The following NLRP13 variants were observed in gnomAD, a reference collection of about 807,000 sequenced individuals.
NLRP13 encodes the protein NACHT, LRR and PYD domains-containing protein 13.
Under a neutral mutation model 94.4 loss-of-function variants are expected in NLRP13, and 82 were observed. The ratio of observed to expected loss-of-function variants is 0.87; its 90% CI spans 0.73 to 1.04. The LOEUF (loss-of-function observed/expected upper bound fraction) is 1.04, where lower values mean the gene tolerates loss of function less well. Ranked by LOEUF, NLRP13 falls within the 50% of genes least tolerant of loss-of-function variation. The pLI is 0.00. For missense variants in NLRP13, 1,426 were observed against 1,230.8 expected, an observed-to-expected ratio of 1.16 and a Z score of -2.37; for synonymous variants, 553 against 464.7, an observed-to-expected ratio of 1.19 and a Z score of -2.45.
At chr19:55,917,044 A>G (rs73611407) in intron 4 of NLRP13, among the ~76,000 whole-genome samples, 5,308 of 152,308 alleles carry the variant, frequency 0.035, 284 homozygotes, top group African/African-American at 0.12. Flanking sequence ...CTTACAAGCT[A>G]GAAGGAATTG....
Position 55,898,927 on chromosome 19 carries a change from A to C in NLRP13, c.2800T>G (p.Cys934Gly), listed in dbSNP as rs768640498. The C allele has an allele frequency of 3.7e-6, 6 of 1,605,256 alleles. No individual in the cohort carries two copies. The highest frequency in any genetic ancestry group is 1.1e-5 in the South Asian group (1 of 89,452). ...CCACAGCCCTCTCTTGTGAAAGAAC[A>C]ACCTGACAAACTGCAAAATAAAAAC... Reference protein sequence around the residue: ...GNLQSLNLSGCSFTREGCGEL... With the variant: ...GNLQSLNLSGGSFTREGCGEL... The change falls in exon 10 of 11, where the codon TGT (cysteine) becomes GGT (glycine). Residue 934 changes from cysteine (C) to glycine (G), a missense_variant. Coordinates refer to ENST00000342929, the MANE Select transcript of NLRP13 (RefSeq NM_176810.2).
At chr19:55,898,729 T>A (rs1986083290) in intron 10 of NLRP13, 41 bp downstream of exon 10, 1 of 1,541,266 alleles carries the variant, frequency 6.5e-7, no homozygotes, top group Non-Finnish European at 8.8e-7. Flanking sequence ...CCCGCAAGAG[T>A]AGAGAAGGAA....
At position 55,913,667 on chromosome 19, in the gene NLRP13, G is replaced by A. The variant is rs139568640; in HGVS notation, c.524-374C>T. 6.5e-3 allele frequency among the ~76,000 whole-genome samples: 987 copies of A among 151,834 alleles called. 11 individuals carry two copies. Among genetic ancestry groups the A allele is most frequent in the African/African-American group, 0.022 (924 of 41,352 alleles). On this transcript the variant is annotated intron_variant, in intron 4 of 10. Coordinates refer to ENST00000342929, the MANE Select transcript of NLRP13 (RefSeq NM_176810.2). ...GCGATCAAGAACACCTTTAAGAGAG[G>A]GCAGAGAAGGGATCATAGCGAGAAG... is the stretch of plus-strand genomic sequence containing the variant.
At chr19:55,907,755 A>C (rs1463636156) in intron 7 of NLRP13, 37 bp downstream of exon 7, 1 of 1,607,536 alleles carries the variant, frequency 6.2e-7, no homozygotes, top group African/African-American at 1.3e-5. Flanking sequence ...GTGGTCTTGC[A>C]ACCCCCCTTG....
At chr19:55,918,762 A>T (rs1443005394) in intron 4 of NLRP13, among the ~76,000 whole-genome samples, 2 of 152,134 alleles carry the variant, frequency 1.3e-5, no homozygotes, top group African/African-American at 2.4e-5. Flanking sequence ...CCAGTACCAG[A>T]TGTATTTCAC....
chr19:55,930,697 A>G (rs926355552), intron 1 of NLRP13, among the ~76,000 whole-genome samples: 8 of 150,244 alleles, frequency 5.3e-5, no homozygotes, highest in East Asian at 1.9e-4. Context: ...AAAAAAAAAA[A>G]AAAAAAAAAA....
downstream of NLRP13, among the ~76,000 whole-genome samples, chr19:55,894,865 A>C (rs1985958444): frequency 6.6e-6 from 1 of 152,208 alleles, no homozygotes; most frequent in African/African-American, 2.4e-5. Flanking sequence ...AAACAGAAGC[A>C]GGCTCTCAAA....
At chr19:55,897,361 A>G (rs1986044144) in intron 10 of NLRP13, among the ~76,000 whole-genome samples, 1 of 152,108 alleles carries the variant, frequency 6.6e-6, no homozygotes, top group African/African-American at 2.4e-5. Flanking sequence ...TCCATAATAA[A>G]TACAAAAAAA....
chr19:55,895,517 CTACAAAAA>C (rs1037819204), downstream of NLRP13, among the ~76,000 whole-genome samples: 2 of 152,184 alleles, frequency 1.3e-5, no homozygotes, highest in Non-Finnish European at 2.9e-5. Context: ...ACCCCCATCT[CTACAAAAA>C]TACAAAAATT....
chr19:55,909,961 G>A (rs979152630), intron 6 of NLRP13, among the ~76,000 whole-genome samples: 8 of 152,172 alleles, frequency 5.3e-5, no homozygotes, highest in African/African-American at 1.7e-4. Flanking sequence ...AAAAATGCAA[G>A]CCACCTTCCT....
At chr19:55,919,812 A>T (rs993753978) in intron 4 of NLRP13, among the ~76,000 whole-genome samples, 2 of 152,162 alleles carry the variant, frequency 1.3e-5, no homozygotes, top group Admixed American at 6.5e-5. Context: ...GACATATTTC[A>T]CAGAATTAGA....
chr19:55,892,929 C>T (rs1411601931), downstream of NLRP13, among the ~76,000 whole-genome samples: 1 of 152,122 alleles, frequency 6.6e-6, no homozygotes, highest in Non-Finnish European at 1.5e-5. Flanking sequence ...TGTGTGTGTT[C>T]CTCACAGCAC....
At chr19:55,929,195 A>T in intron 1 of NLRP13, among the ~76,000 whole-genome samples, 1 of 152,228 alleles carries the variant, frequency 6.6e-6, no homozygotes, top group Non-Finnish European at 1.5e-5. Context: ...AATTAGTTCA[A>T]CCATTGTGGA....
At chr19:55,913,432 A>T in intron 4 of NLRP13, 139 bp from the exon 5 acceptor site, 1 of 958,324 alleles carries the variant, frequency 1.0e-6, no homozygotes, top group Non-Finnish European at 1.5e-6. Flanking sequence ...GCAGTGGTAG[A>T]AAGTTGCAAA....
chr19:55,932,052 C>T lies in NLRP13; in HGVS notation c.260G>A (p.Gly87Asp), dbSNP rs867828030. The part of the protein sequence containing the change: ...PKGQAWKVVL[G>D]IFQTMNLTSL... ...GGTCAGATTCATTGTCTGGAAGATG[C>T]CGAGGACCACTTTCCATGCCTGACC... Residue 87 changes from glycine (G) to aspartate (D), a missense_variant, in exon 1 of 11, where the codon GGC (glycine) becomes GAC (aspartate). By Grantham distance (94) the Gly-to-Asp change is moderately conservative. Transcript: ENST00000342929. 2 of 1,614,074 alleles carry T rather than the reference C, an allele frequency of 1.2e-6. No homozygotes were observed. The highest frequency in any genetic ancestry group is 1.7e-6 in the Non-Finnish European group (2 of 1,180,026).
At chr19:55,893,031 A>G (rs1287627989), downstream of NLRP13, among the ~76,000 whole-genome samples, 1 of 152,182 alleles carries the variant, frequency 6.6e-6, no homozygotes, top group Non-Finnish European at 1.5e-5. Flanking sequence ...GTGCAGTGTA[A>G]AGTGGCAAAC....
rs879504636 is a variant in NLRP13, at chr19:55,899,958, T to G, written c.2790-1021A>C. ...TCAGCAGGAATATAATTGTTGTTTT[T>G]TTTTTTTTTTGAGATCTATTCCATG... On this transcript the variant is annotated intron_variant, in intron 9 of 10. Transcript: ENST00000342929. Among the ~76,000 whole-genome samples, 682 of 151,990 alleles carry G rather than the reference T, an allele frequency of 4.5e-3. 4 individuals are homozygous for G. Among genetic ancestry groups the G allele is most frequent in the Non-Finnish European group, 7.4e-3 (500 of 67,944 alleles).
Position 55,912,082 on chromosome 19 carries a change from C to T in NLRP13, c.1735G>A (p.Ala579Thr). ...AACAGAACCACTGGAGTCCAGTAGG[C>T]TTCTTTGTCAAGCAAGACGTGTTGC... is the stretch of plus-strand genomic sequence containing the variant. ...LLQHVLLDKE[A>T]YWTPVVLFFF... The change falls in exon 5 of 11, where the codon GCC becomes ACC. Residue 579 changes from alanine to threonine, a missense_variant. Coordinates refer to ENST00000342929, the MANE Select transcript of NLRP13 (RefSeq NM_176810.2). 2 of 1,614,152 alleles carry T rather than the reference C, an allele frequency of 1.2e-6. No individual in the cohort carries two copies. Among genetic ancestry groups the T allele is most frequent in the African/African-American group, 1.3e-5 (1 of 75,044 alleles).
rs1196104891 is a variant in NLRP13 at position 55,932,030 on chromosome 19, C to G, written c.282G>C (p.Leu94=). Residue 94 remains leucine, a synonymous_variant, in exon 1 of 11, where the codon CTG becomes CTC. Transcript: ENST00000342929. ...VVLGIFQTMN[L]TSLCEKVRAE... is the part of the protein sequence containing the mutation. ...CTCTAACTTTCTCACACAGTGAGGT[C>G]AGATTCATTGTCTGGAAGATGCCGA... 1 of 1,613,816 alleles carries G rather than the reference C, an allele frequency of 6.2e-7. No individual in the cohort carries two copies. The highest frequency in any genetic ancestry group is 8.5e-7 in the Non-Finnish European group (1 of 1,180,022).
Sources: allele counts gnomAD v4.1 joint callset (sites outside exome capture counted in the v4.1 genomes callset), GRCh38; gene constraint gnomAD v4.1.1; transcripts MANE v1.5; gene names NCBI Gene and HGNC (gene_info 2026-07-23, HGNC 2026-07-21).